GFI1B: variants seen among roughly 807,000 people sequenced by gnomAD.
GFI1B encodes growth factor independent 1B transcriptional repressor.
In GFI1B, 20 loss-of-function variants were observed where a neutral mutation model predicts 35.3. The observed-to-expected ratio is 0.57, with a 90% CI of 0.40 to 0.82. The LOEUF is 0.82. Among genes scored for constraint, GFI1B ranks in the 40% least tolerant of loss-of-function variants. GFI1B has a pLI of 0.00. For missense variants in GFI1B, 430 were observed against 446.3 expected (o/e 0.96, Z 0.33); for synonymous variants, 178 against 177.6 (o/e 1.00, Z -0.02).
intron 1 of GFI1B, among the ~76,000 whole-genome samples, chr9:132,964,031 AG>A (rs1328975985): frequency 1.3e-5 from 2 of 152,164 alleles, no homozygotes; most frequent in Admixed American, 6.5e-5. Context: ...ACCTGAGGTC[AG>A]GAGTTCAAGA....
chr9:132,967,728 T>TA (rs1848469515), intron 1 of GFI1B, among the ~76,000 whole-genome samples: 4 of 152,160 alleles, frequency 2.6e-5, no homozygotes, highest in African/African-American at 9.7e-5. Context: ...ATGATATCTA[T>TA]TATATATATA....
chr9:132,974,513 A>C (rs1848591694), upstream of GFI1B, among the ~76,000 whole-genome samples: 1 of 149,438 alleles, frequency 6.7e-6, no homozygotes, highest in African/African-American at 2.5e-5. Context: ...GAGGCAGGAG[A>C]ATCGCTTGAA....
At chr9:132,946,430 C>T (rs1848101549) in intron 1 of GFI1B, among the ~76,000 whole-genome samples, 1 of 152,100 alleles carries the variant, frequency 6.6e-6, no homozygotes. Flanking sequence ...CTGTTAAGTG[C>T]CAGCTGTCAG....
At chr9:132,948,642 G>A (rs1432811933) in intron 1 of GFI1B, among the ~76,000 whole-genome samples, 1 of 152,212 alleles carries the variant, frequency 6.6e-6, no homozygotes, top group African/African-American at 2.4e-5. Flanking sequence ...GGCAACCCCC[G>A]CAGGATGGGG....
chr9:132,966,165 C>A (rs1183879110), intron 1 of GFI1B, among the ~76,000 whole-genome samples: 1 of 152,040 alleles, frequency 6.6e-6, no homozygotes, highest in Non-Finnish European at 1.5e-5. Context: ...TTGAGACCAG[C>A]CTGGGAAACA....
At chr9:132,961,494 A>C (rs1038174908) in intron 1 of GFI1B, among the ~76,000 whole-genome samples, 28 of 151,982 alleles carry the variant, frequency 1.8e-4, no homozygotes, top group African/African-American at 6.8e-4. Flanking sequence ...CCTAAGAAGT[A>C]TGAAAAGACA....
intron 1 of GFI1B, among the ~76,000 whole-genome samples, chr9:132,986,243 T>G (rs944192543): frequency 3.4e-5 from 5 of 148,578 alleles, no homozygotes; most frequent in African/African-American, 1.3e-4. Flanking sequence ...CTGGCGGCTG[T>G]CGGCACTGCC....
At chr9:132,968,597 T>A (rs773683701) in intron 1 of GFI1B, among the ~76,000 whole-genome samples, 5 of 152,172 alleles carry the variant, frequency 3.3e-5, no homozygotes, top group African/African-American at 4.8e-5. Flanking sequence ...AAATTTTATA[T>A]AATATAAATG....
chr9:132,987,230 G>T, intron 2 of GFI1B, 52 bp from the exon 3 acceptor site: 1 of 1,593,826 alleles, frequency 6.3e-7, no homozygotes, highest in East Asian at 2.3e-5. Flanking sequence ...TGCTCCCTCT[G>T]GGCTTCCCAG....
intron 3 of GFI1B, among the ~76,000 whole-genome samples, 178 bp downstream of exon 3, chr9:132,987,597 G>A (rs2073579): frequency 6.6e-6 from 1 of 151,830 alleles, no homozygotes; most frequent in African/African-American, 2.4e-5. Context: ...GCTAATTCCC[G>A]GATGTGGGCT....
chr9:132,991,151 T>G lies in GFI1B; in HGVS notation c.*101T>G. 1 of 1,059,596 alleles carries G rather than the reference T, an allele frequency of 9.4e-7. No individual in the cohort carries two copies. Among genetic ancestry groups the G allele is most frequent in the East Asian group, 2.5e-5 (1 of 40,110 alleles). 65.6% of individuals were successfully genotyped at this position (1,059,596 alleles called of 1,614,324 possible). ...ATCTCCAGTCTCCTGGAGGTGGGAC[T>G]GGACAGGAGTCTACCAGCTTGTTTT... On this transcript the variant is annotated 3_prime_UTR_variant, in exon 7 of 7. Transcript: ENST00000372122.
chr9:132,952,976 T>A (rs996850195), intron 1 of GFI1B: 2 of 152,262 alleles, frequency 1.3e-5, no homozygotes, highest in African/African-American at 2.4e-5. Flanking sequence ...GATGTATTTT[T>A]AAAAATACTT....
At chr9:132,952,400 C>G (rs538362109) in intron 1 of GFI1B, 1 of 152,084 alleles carries the variant, frequency 6.6e-6, no homozygotes, top group East Asian at 1.9e-4. Context: ...ACTGCAGTCT[C>G]GAATTCCCAG....
intron 2 of GFI1B, among the ~76,000 whole-genome samples, chr9:132,973,549 G>A (rs1464320687): frequency 6.6e-6 from 1 of 152,214 alleles, no homozygotes; most frequent in Non-Finnish European, 1.5e-5. Flanking sequence ...GGAATCCAAG[G>A]GTCGTCACGG....
At chr9:132,971,359 T>G (rs564863575) in intron 1 of GFI1B, among the ~76,000 whole-genome samples, 48 of 152,204 alleles carry the variant, frequency 3.2e-4, no homozygotes, top group Middle Eastern at 3.4e-3. Context: ...TCCATGCTTC[T>G]CTGAGGCACA....
chr9:132,964,117 G>A (rs528556463), intron 1 of GFI1B, among the ~76,000 whole-genome samples: 1 of 152,264 alleles, frequency 6.6e-6, no homozygotes, highest in African/African-American at 2.4e-5. Flanking sequence ...ATGCACGCCT[G>A]TAATCCCAGC....
upstream of GFI1B, among the ~76,000 whole-genome samples, chr9:132,974,371 G>A (rs976507827): frequency 6.6e-6 from 1 of 152,048 alleles, no homozygotes; most frequent in Admixed American, 6.6e-5. Context: ...GCCGAGGCAG[G>A]CAAGGATCAC....
intron 1 of GFI1B, among the ~76,000 whole-genome samples, chr9:132,964,463 C>G (rs1374718956): frequency 6.6e-6 from 1 of 152,092 alleles, no homozygotes; most frequent in East Asian, 1.9e-4. Context: ...TGAAAATTGT[C>G]TGAATCAATT....
At chr9:132,954,854 G>C (rs1354430339) in intron 1 of GFI1B, among the ~76,000 whole-genome samples, 1 of 151,828 alleles carries the variant, frequency 6.6e-6, no homozygotes, top group Non-Finnish European at 1.5e-5. Flanking sequence ...GAGTAGCTGG[G>C]ACTACAGGTG....
Sources: gnomAD v4.1 joint callset for allele counts (sites outside exome capture counted in the v4.1 genomes callset) on GRCh38, gnomAD v4.1.1 for gene constraint, MANE v1.5 for transcripts, NCBI Gene and HGNC (gene_info 2026-07-23, HGNC 2026-07-21) for gene names.